The following PLEKHA1 variants were observed in gnomAD, a reference collection of about 807,000 sequenced individuals.
The protein encoded by PLEKHA1 is pleckstrin homology domain containing A1, also known as pleckstrin homology domain-containing family A member 1.
PLEKHA1 carries 34 observed loss-of-function variants against 52.0 expected under a neutral mutation model. The observed-to-expected ratio is 0.65, with a 90% CI of 0.50 to 0.87. The LOEUF is 0.87. PLEKHA1 is among the 40% of genes least tolerant of loss of function. The probability of loss-of-function intolerance (pLI) is 0.00; values close to 1 mark genes in which losing one functional copy is unlikely to be tolerated. For missense variants in PLEKHA1, 497 were observed against 504.2 expected, an observed-to-expected ratio of 0.99 and a Z score of 0.14; for synonymous variants, 163 against 170.7, an observed-to-expected ratio of 0.95 and a Z score of 0.35.
rs770168045 is a variant in PLEKHA1, at chr10:122,416,002, G to A, written c.612G>A (p.Val204=). The change falls in exon 7 of 12, where the codon GTG becomes GTA. Residue 204 remains valine, a splice_region_variant and synonymous_variant. Transcript: ENST00000368990. ...KAGYCVKQGA[V]MKNWKRRYFQ... The stretch of plus-strand genomic sequence containing the variant: ...GATATTGTGTAAAACAAGGAGCAGT[G>A]GTGAGTAGCTTAACAAAATACATGA... 1 of 1,601,374 alleles carries A rather than the reference G, an allele frequency of 6.2e-7. No homozygotes were observed. Among genetic ancestry groups the A allele is most frequent in the Non-Finnish European group, 8.5e-7 (1 of 1,175,364 alleles).
intron 4 of PLEKHA1, 80 bp from the exon 5 acceptor site, chr10:122,406,496 C>T: frequency 8.9e-7 from 1 of 1,129,216 alleles, no homozygotes; most frequent in Non-Finnish European, 1.3e-6. Flanking sequence ...TTGAACTTAG[C>T]AAGGTTTTTC....
At chr10:122,394,069 CTTTTTTTTTTTTTTT>C (rs796831792) in intron 2 of PLEKHA1, among the ~76,000 whole-genome samples, 16 of 97,244 alleles carry the variant, frequency 1.6e-4, no homozygotes, top group African/African-American at 5.5e-4. Flanking sequence ...ACTTTCTCTA[CTTTTTTTTTTTTTTT>C]TTTTTTTTTT....
rs1311302646 is a variant in PLEKHA1 at position 122,424,878 on chromosome 10, G to T, written c.747-18G>T. 1 of 1,597,278 alleles carries T rather than the reference G, an allele frequency of 6.3e-7. No individual in the cohort carries two copies. Among genetic ancestry groups the T allele is most frequent in the South Asian group, 1.1e-5 (1 of 88,452 alleles). ...AACAACTGCTATTTAAGTATAATTG[G>T]ATTTTTTTTTCATACAGCGACATAA... On this transcript the variant is annotated intron_variant, in intron 9 of 11. Transcript: ENST00000368990.
At position 122,430,159 on chromosome 10, in the gene PLEKHA1, A is replaced by G; in HGVS notation, c.*221A>G. On this transcript the variant is annotated 3_prime_UTR_variant, in exon 12 of 12. Transcript: ENST00000368990. ...AAAAAGGAAAAATCCAAAATATCTCAGTATCATCTGTCTGAAGCATTGTGT... is the reference window on the plus strand; with the variant it reads ...AAAAAGGAAAAATCCAAAATATCTCGGTATCATCTGTCTGAAGCATTGTGT... The G allele has an allele frequency of 2.0e-6, 1 of 490,212 alleles. No individual in the cohort carries two copies. 30.4% of individuals were successfully genotyped at this position (490,212 alleles called of 1,614,324 possible).
At chr10:122,433,984 A>G (rs1461243966), downstream of PLEKHA1, 2 of 152,194 alleles carry the variant, frequency 1.3e-5, no homozygotes, top group Non-Finnish European at 2.9e-5. Context: ...CAAAAGTGCC[A>G]TTGCGTGTGT....
intron 4 of PLEKHA1, among the ~76,000 whole-genome samples, chr10:122,400,752 G>T (rs1374329335): frequency 6.6e-6 from 1 of 152,156 alleles, no homozygotes; most frequent in Non-Finnish European, 1.5e-5. Context: ...TAGCTTTTGG[G>T]TAGTGAGAAA....
At chr10:122,405,824 TA>T (rs2097003884) in intron 4 of PLEKHA1, among the ~76,000 whole-genome samples, 3 of 152,052 alleles carry the variant, frequency 2.0e-5, no homozygotes, top group Admixed American at 6.6e-5. Context: ...AAGGCTGGCA[TA>T]GGGGGCAGGA....
At chr10:122,429,494 TTGTGTGTGTGTGTGTGTG>T (rs35620141) in intron 11 of PLEKHA1, 112 bp from the exon 12 acceptor site, 26 of 655,964 alleles carry the variant, frequency 4.0e-5, no homozygotes, top group African/African-American at 5.7e-5. Flanking sequence ...GCTGCTGCCT[TTGTGTGTGTGTGTGTGTG>T]TGTGTGTGTG....
At chr10:122,418,579 C>A (rs933646556) in intron 8 of PLEKHA1, 1 of 151,986 alleles carries the variant, frequency 6.6e-6, no homozygotes, top group Non-Finnish European at 1.5e-5. Context: ...AATATTTAAC[C>A]CTCTGTATTT....
intron 8 of PLEKHA1, 142 bp from the exon 9 acceptor site, chr10:122,424,057 G>C (rs1161920922): frequency 8.8e-7 from 1 of 1,138,228 alleles, no homozygotes; most frequent in East Asian, 2.6e-5. Context: ...GATGGTTTAA[G>C]AAGGTAGATT....
chr10:122,377,910 A>C (rs2096560345), intron 1 of PLEKHA1, among the ~76,000 whole-genome samples: 1 of 152,194 alleles, frequency 6.6e-6, no homozygotes, highest in African/African-American at 2.4e-5. Flanking sequence ...TTTCTGTTGG[A>C]TATAAAAGAA....
chr10:122,387,461 A>C (rs1386169975), intron 1 of PLEKHA1: 1 of 152,216 alleles, frequency 6.6e-6, no homozygotes, highest in Non-Finnish European at 1.5e-5. Flanking sequence ...TTTCATCTAT[A>C]GCACTAAAAA....
chr10:122,380,966 A>C (rs1352415442), intron 1 of PLEKHA1, among the ~76,000 whole-genome samples: 3 of 151,934 alleles, frequency 2.0e-5, no homozygotes, highest in Non-Finnish European at 4.4e-5. Flanking sequence ...TGGCACTGCC[A>C]CTCCCAAGCA....
chr10:122,429,500 G>GTT lies in PLEKHA1; in HGVS notation c.901-123_901-122insTT, dbSNP rs899385803. The GTT allele has an allele frequency of 1.5e-5, 3 of 198,000 alleles. No individual in the cohort carries two copies. In the African/African-American group the frequency reaches 2.3e-4, roughly 15 times the overall value. 12.3% of individuals were successfully genotyped at this position (198,000 alleles called of 1,614,324 possible). ...ATGGCTTCTGCTGCTGCCTTTGTGTGTGTGTGTGTGTGTGTGTGTGTGTGT... is the reference window on the plus strand; with the variant it reads ...ATGGCTTCTGCTGCTGCCTTTGTGTGTTTGTGTGTGTGTGTGTGTGTGTGTGT... On this transcript the variant is annotated intron_variant, in intron 11 of 11. Coordinates refer to ENST00000368990, the MANE Select transcript of PLEKHA1 (RefSeq NM_001001974.4).
At position 122,378,968 on chromosome 10, in the gene PLEKHA1, A is replaced by G. The variant is rs994909262; in HGVS notation, c.-21+4162A>G. 2.6e-5 allele frequency among the ~76,000 whole-genome samples: 4 copies of G among 152,108 alleles called. No homozygotes were observed. In the South Asian group the frequency reaches 8.3e-4, roughly 31 times the overall value. ...TCTATTTGGATACAAATGTGTCAAG[A>G]AGAGAAGTAGAAAAAGACAAGTGTT... On this transcript the variant is annotated intron_variant, in intron 1 of 11. Transcript: ENST00000368990.
intron 1 of PLEKHA1, chr10:122,386,683 G>C (rs1257780445): frequency 6.6e-6 from 1 of 152,102 alleles, no homozygotes; most frequent in Admixed American, 6.5e-5. Context: ...AGTCTTGTTT[G>C]TTGAAAAGAC....
rs779531537 is a variant in PLEKHA1, at chr10:122,417,937, A to G, written c.650A>G (p.Glu217Gly). ...AAGAGAAGATATTTTCAATTGGATG[A>G]AAACACAATAGGCTACTTCAAATCT... is the stretch of plus-strand genomic sequence containing the variant. The part of the protein sequence containing the change: ...NWKRRYFQLD[E>G]NTIGYFKSEL... Residue 217 changes from glutamate to glycine, a missense_variant, in exon 8 of 12, where the codon GAA (glutamate) becomes GGA (glycine). Coordinates refer to ENST00000368990, the MANE Select transcript of PLEKHA1 (RefSeq NM_001001974.4). 6.8e-6 allele frequency: 11 copies of G among 1,611,970 alleles called. No individual in the cohort carries two copies. The African/African-American group carries it at 1.5e-4, about 22-fold the overall frequency.
downstream of PLEKHA1, chr10:122,432,359 C>T (rs2097422331): frequency 6.6e-6 from 1 of 152,030 alleles, no homozygotes. Context: ...TGACTTATTT[C>T]TCATTTTGTT....
chr10:122,418,690 T>C (rs1223270375), intron 8 of PLEKHA1: 1 of 152,204 alleles, frequency 6.6e-6, no homozygotes, highest in Non-Finnish European at 1.5e-5. Context: ...AAATTGAAAT[T>C]CCCTCTTCGC....
Sources: allele counts gnomAD v4.1 joint callset (sites outside exome capture counted in the v4.1 genomes callset), GRCh38; gene constraint gnomAD v4.1.1; transcripts MANE v1.5; gene names NCBI Gene and HGNC (gene_info 2026-07-23, HGNC 2026-07-21).